Variants in FAH observed in about 807,000 individuals in gnomAD.
FAH encodes fumarylacetoacetate hydrolase, also known as fumarylacetoacetase.
In FAH, 47 loss-of-function variants were observed where a neutral mutation model predicts 55.8. The observed-to-expected ratio is 0.84, with a 90% CI of 0.67 to 1.07. The LOEUF is 1.07. Among genes scored for constraint, FAH ranks in the 50% least tolerant of loss-of-function variants. The pLI, the probability that FAH is intolerant of heterozygous loss-of-function variation, is 0.00. For synonymous variants in FAH, 199 were observed against 207.7 expected, an observed-to-expected ratio of 0.96 and a Z score of 0.36; for missense variants, 495 against 545.9, an observed-to-expected ratio of 0.91 and a Z score of 0.93.
chr15:80,177,103 C>CAT (rs1181462371), intron 10 of FAH, among the ~76,000 whole-genome samples: 5 of 152,186 alleles, frequency 3.3e-5, no homozygotes, highest in Admixed American at 3.3e-4. Flanking sequence ...GCACACTGCC[C>CAT]ATCACTGGAG....
chr15:80,162,277 G>A lies in FAH; in HGVS notation c.396G>A (p.Gln132=). Residue 132 remains glutamine (Q), a synonymous_variant, in exon 5 of 14, where the codon CAG becomes CAA. Transcript: ENST00000561421. Reference sequence around the variant, plus strand: ...ACACAGACTTCTATTCCTCTCGGCAGCATGCTACCAACGTCGGAATCATGT... The same window carrying A: ...ACACAGACTTCTATTCCTCTCGGCAACATGCTACCAACGTCGGAATCATGT... The part of the protein sequence containing the change: ...GDYTDFYSSR[Q]HATNVGIMFR... 12 of 1,614,226 alleles carry A rather than the reference G, an allele frequency of 7.4e-6. No homozygotes were observed. Among genetic ancestry groups the A allele is most frequent in the African/African-American group, 1.3e-5 (1 of 75,062 alleles).
chr15:80,155,476 A>T (rs974393887), intron 1 of FAH, among the ~76,000 whole-genome samples: 18 of 152,348 alleles, frequency 1.2e-4, no homozygotes, highest in Non-Finnish European at 1.2e-4. Flanking sequence ...CACAGCCAGT[A>T]AGAGGCAGAT....
At chr15:80,181,661 A>C (rs1278427905) in intron 13 of FAH, among the ~76,000 whole-genome samples, 1 of 152,148 alleles carries the variant, frequency 6.6e-6, no homozygotes, top group Non-Finnish European at 1.5e-5. Context: ...GGAAAGGTTC[A>C]AGTTGAACTC....
At chr15:80,168,385 C>T in intron 7 of FAH, 69 bp downstream of exon 7, 2 of 1,525,396 alleles carry the variant, frequency 1.3e-6, no homozygotes, top group Non-Finnish European at 1.8e-6. Context: ...TTTGGGATGG[C>T]TCCCCGCACC....
intron 7 of FAH, among the ~76,000 whole-genome samples, chr15:80,170,051 G>C (rs578113164): frequency 1.3e-5 from 2 of 152,308 alleles, no homozygotes; most frequent in South Asian, 4.2e-4. Flanking sequence ...ATTTTTCAGA[G>C]GGGACACTGA....
rs970505762 is a variant in FAH at position 80,180,190 on chromosome 15, G to T, written c.1027G>T (p.Gly343Trp). Residue 343 changes from glycine (G) to tryptophan (W), a missense_variant, in exon 12 of 14, where the codon GGG (glycine) becomes TGG (tryptophan). Gly to Trp is a radical substitution (Grantham distance 184). Coordinates refer to ENST00000561421, the MANE Select transcript of FAH (RefSeq NM_000137.4). ...HSVNGCNLRP[G>W]DLLASGTISG... ...TGTCAACGGCTGCAACCTGCGGCCG[G>T]GGGACCTCCTGGCTTCTGGGACCAT... 18 of 1,609,440 alleles carry T rather than the reference G, an allele frequency of 1.1e-5. No individual in the cohort carries two copies. In the Admixed American group the frequency reaches 2.2e-4, roughly 19 times the overall value.
At chr15:80,173,397 A>G (rs2041257811) in intron 9 of FAH, 1 of 580,970 alleles carries the variant, frequency 1.7e-6, no homozygotes, top group South Asian at 1.9e-5. Context: ...AACCTTAAGA[A>G]TCTTGCAAGA....
chr15:80,168,846 G>T (rs895115108), intron 7 of FAH, among the ~76,000 whole-genome samples: 2 of 152,178 alleles, frequency 1.3e-5, no homozygotes, highest in African/African-American at 2.4e-5. Context: ...GAGAATATGC[G>T]TGTTAGTAAG....
At chr15:80,175,243 AG>A in intron 10 of FAH, 152 bp downstream of exon 10, 2 of 738,452 alleles carry the variant, frequency 2.7e-6, no homozygotes, top group Non-Finnish European at 4.7e-6. Flanking sequence ...AGAGGAGGGG[AG>A]GGGAGGGGAC....
At chr15:80,171,250 C>T (rs1357880349) in intron 7 of FAH, among the ~76,000 whole-genome samples, 1 of 151,946 alleles carries the variant, frequency 6.6e-6, no homozygotes, top group African/African-American at 2.4e-5. Context: ...CCTCTTCCCC[C>T]CACCCCACAA....
At chr15:80,155,323 G>A (rs899215467) in intron 1 of FAH, among the ~76,000 whole-genome samples, 35 of 152,160 alleles carry the variant, frequency 2.3e-4, no homozygotes, top group African/African-American at 8.2e-4. Flanking sequence ...CATGAATAGC[G>A]TCTACCCTGT....
At chr15:80,177,445 G>T in intron 10 of FAH, 92 bp from the exon 11 acceptor site, 1 of 1,117,986 alleles carries the variant, frequency 8.9e-7, no homozygotes, top group Middle Eastern at 2.0e-4. Context: ...GTTGGACAAT[G>T]GGAAGCTTCA....
At chr15:80,161,190 A>G (rs1208449226) in intron 4 of FAH, among the ~76,000 whole-genome samples, 2 of 151,588 alleles carry the variant, frequency 1.3e-5, no homozygotes, top group African/African-American at 4.9e-5. Flanking sequence ...GGACTGTGCT[A>G]TGTTTTGGCA....
In FAH at chr15:80,168,685, CAT is replaced by C. The variant is rs201294778; in HGVS notation, c.606+370_606+371del. ...TTCTTGTCTCAGCTTATGCTGTAAA[CAT>C]GTGTCCTTTGTAGTCTATTCGGTGC... On this transcript the variant is annotated intron_variant, in intron 7 of 13. Transcript: ENST00000561421. Among the ~76,000 whole-genome samples the C allele has an allele frequency of 1.9e-3, 295 of 152,306 alleles. 2 individuals carry two copies. The highest frequency in any genetic ancestry group is 6.7e-3 in the African/African-American group (279 of 41,560).
chr15:80,180,761 G>C (rs551592987), intron 12 of FAH, among the ~76,000 whole-genome samples: 1 of 152,294 alleles, frequency 6.6e-6, no homozygotes, highest in Non-Finnish European at 1.5e-5. Context: ...AGCAGGGAGG[G>C]GATGCTGCAG....
intron 13 of FAH, among the ~76,000 whole-genome samples, chr15:80,182,386 G>A (rs1347765602): frequency 1.3e-5 from 2 of 152,216 alleles, no homozygotes; most frequent in Non-Finnish European, 2.9e-5. Context: ...AGTCCAAGTA[G>A]CAGCCACATA....
chr15:80,180,837 A>G (rs950412181), intron 12 of FAH, among the ~76,000 whole-genome samples: 2 of 152,096 alleles, frequency 1.3e-5, no homozygotes, highest in African/African-American at 2.4e-5. Flanking sequence ...TAGTGGAACC[A>G]TTGCTGTCCC....
intron 9 of FAH, among the ~76,000 whole-genome samples, chr15:80,174,475 C>CA (rs1250807622): frequency 6.6e-6 from 1 of 152,196 alleles, no homozygotes. Context: ...TTAGTATCAC[C>CA]AAAAACGATC....
At chr15:80,156,184 G>T in intron 1 of FAH, 1 of 226,356 alleles carries the variant, frequency 4.4e-6, no homozygotes, top group Non-Finnish European at 8.9e-6. Flanking sequence ...GAGCGCTCAA[G>T]CGGCCCTTAT....
Sources: gnomAD v4.1 joint callset for allele counts (sites outside exome capture counted in the v4.1 genomes callset) on GRCh38, gnomAD v4.1.1 for gene constraint, MANE v1.5 for transcripts, NCBI Gene and HGNC (gene_info 2026-07-23, HGNC 2026-07-21) for gene names.